Variants in HDAC6 observed in about 807,000 individuals in gnomAD.
HDAC6 encodes protein deacetylase HDAC6.
In HDAC6, 5 loss-of-function variants were observed where a neutral mutation model predicts 88.9. The observed-to-expected ratio is 0.06, with a 90% CI of 0.03 to 0.12. HDAC6 has a LOEUF of 0.12. Among genes scored for constraint, HDAC6 ranks in the 10% least tolerant of loss-of-function variants. The pLI is 1.00. For missense variants in HDAC6, 706 were observed against 1,014.4 expected, an observed-to-expected ratio of 0.70 and a Z score of 4.13; for synonymous variants, 378 against 398.0, an observed-to-expected ratio of 0.95 and a Z score of 0.60.
chrX:48,814,052 A>G (rs1462293274), intron 10 of HDAC6: 1 of 165,002 alleles, frequency 6.1e-6, no homozygotes, highest in Non-Finnish European at 1.1e-5. Flanking sequence ...CATGATCTAG[A>G]GTACCCCACA....
At chrX:48,806,836 A>C in intron 8 of HDAC6, 130 bp downstream of exon 8, 1 of 441,480 alleles carries the variant, frequency 2.3e-6, no homozygotes, top group Non-Finnish European at 3.7e-6. Flanking sequence ...TATAATTAAA[A>C]ATCTGTCTCC....
At chrX:48,824,442 C>T in intron 28 of HDAC6, 102 bp from the exon 29 acceptor site, 1 of 1,072,251 alleles carries the variant, frequency 9.3e-7, no homozygotes, top group Non-Finnish European at 1.3e-6. Flanking sequence ...TGGGATAGTC[C>T]AGAAGACAGA....
At chrX:48,809,973 T>G (rs1557025446) in intron 10 of HDAC6, among the ~76,000 whole-genome samples, 2 of 111,349 alleles carry the variant, frequency 1.8e-5, no homozygotes, top group East Asian at 5.6e-4. Flanking sequence ...TAGACATTGC[T>G]TTATTATTTT....
Position 48,822,992 on chromosome X carries a change from G to A in HDAC6, c.2593G>A (p.Glu865Lys). 4 of 1,211,171 alleles carry A rather than the reference G, an allele frequency of 3.3e-6. No homozygotes were observed. The highest frequency in any genetic ancestry group is 4.5e-6 in the Non-Finnish European group (4 of 895,147). Residue 865 changes from glutamate to lysine, a missense_variant, in exon 25 of 29, where the codon GAG becomes AAG. Transcript: ENST00000334136. ...CCAACCAGCCAAACCTAGGTTAGCT[G>A]AGCGGATGACCACACGAGAAAAGAA... The part of the protein sequence containing the change: ...APQPAKPRLA[E>K]RMTTREKKVL...
At chrX:48,822,842 T>C (rs1557030462) in intron 24 of HDAC6, 48 bp downstream of exon 24, 3 of 1,162,679 alleles carry the variant, frequency 2.6e-6, no homozygotes, top group Admixed American at 4.9e-5. Context: ...AGGAGGGGGC[T>C]GAGGGGCAGA....
intron 10 of HDAC6, among the ~76,000 whole-genome samples, chrX:48,812,762 C>G (rs1557026156): frequency 5.4e-5 from 6 of 112,139 alleles, no homozygotes; most frequent in Non-Finnish European, 7.5e-5. Context: ...GGTGGTTGAA[C>G]TTATTTTGAA....
chrX:48,802,577 G>A, intron 1 of HDAC6, 86 bp from the exon 2 acceptor site: 1 of 1,150,103 alleles, frequency 8.7e-7, no homozygotes, highest in Non-Finnish European at 1.2e-6. Flanking sequence ...TAATAGAGGG[G>A]GCGGAGCCTG....
intron 5 of HDAC6, 51 bp downstream of exon 5, chrX:48,805,573 C>T (rs1557023960): frequency 8.5e-7 from 1 of 1,180,099 alleles, no homozygotes. Context: ...GCTGACCTGA[C>T]CTGGGTGCAG....
chrX:48,821,872 C>T (rs1457699537), intron 23 of HDAC6, among the ~76,000 whole-genome samples: 1 of 111,731 alleles, frequency 9.0e-6, no homozygotes, highest in Non-Finnish European at 1.9e-5. Flanking sequence ...AATTGGCTTG[C>T]AAAAAGTCGC....
Position 48,824,227 on chromosome X carries a change from C to A in HDAC6, c.3512C>A (p.Pro1171Gln). The A allele has an allele frequency of 8.3e-7, 1 of 1,210,920 alleles. No homozygotes were observed. The highest frequency in any genetic ancestry group is 2.3e-4 in the Middle Eastern group (1 of 4,350). ...CAACACCATGGAAATTCTGGACACCCGCTGGTCCTCAGCTACATCGACCTG... is the reference window on the plus strand; with the variant it reads ...CAACACCATGGAAATTCTGGACACCAGCTGGTCCTCAGCTACATCGACCTG... ...MLQHHGNSGH[P>Q]LVLSYIDLSA... The change falls in exon 28 of 29, where the codon CCG (proline) becomes CAG (glutamine). Residue 1171 changes from proline (P) to glutamine (Q), a missense_variant. Physicochemically the swap from Pro to Gln is moderately conservative, Grantham distance 76. Transcript: ENST00000334136.
At chrX:48,805,725 A>G in intron 6 of HDAC6, 54 bp downstream of exon 6, 1 of 1,029,757 alleles carries the variant, frequency 9.7e-7, no homozygotes, top group Non-Finnish European at 1.3e-6. Context: ...TGGACAAACC[A>G]GGGCAAGCTA....
chrX:48,814,751 T>C lies in HDAC6; in HGVS notation c.999+11T>C. 2 of 1,210,560 alleles carry C rather than the reference T, an allele frequency of 1.7e-6. No homozygotes were observed. The highest frequency in any genetic ancestry group is 1.8e-5 in the South Asian group (1 of 56,916). ...CCAGTCGCCCTCGAGGTCCTGGGGA[T>C]CTGGGGTGTGTTGGGAGGAGGAGTG... On this transcript the variant is annotated intron_variant, in intron 12 of 28. Transcript: ENST00000334136.
chrX:48,802,963 A>G lies in HDAC6; in HGVS notation c.186A>G (p.Ala62=), dbSNP rs782190620. The change falls in exon 3 of 29, where the codon GCA becomes GCG. Residue 62 remains alanine, a synonymous_variant. Coordinates refer to ENST00000334136, the MANE Select transcript of HDAC6 (RefSeq NM_006044.4). ...KKGKMKKLGQ[A]MEEDLIVGLQ... The stretch of plus-strand genomic sequence containing the variant: ...GCAAAATGAAGAAGCTCGGCCAAGC[A>G]ATGGAAGAAGACCTAATCGTGGGAC... The G allele has an allele frequency of 5.0e-6, 6 of 1,211,121 alleles. No homozygotes were observed. Among genetic ancestry groups the G allele is most frequent in the Non-Finnish European group, 5.6e-6 (5 of 895,005 alleles).
intron 21 of HDAC6, 50 bp downstream of exon 21, chrX:48,818,159 A>C (rs1557028318): frequency 8.6e-7 from 1 of 1,168,524 alleles, no homozygotes. Context: ...GCGGGTGAGC[A>C]CCTCAGGGGT....
chrX:48,817,550 C>A, intron 20 of HDAC6, 91 bp downstream of exon 20: 1 of 898,872 alleles, frequency 1.1e-6, no homozygotes. Flanking sequence ...CCCCATGGTC[C>A]AGCTCCCAGG....
intron 6 of HDAC6, 62 bp from the exon 7 acceptor site, chrX:48,806,306 G>A (rs2062816045): frequency 5.5e-6 from 4 of 721,138 alleles, no homozygotes; most frequent in African/African-American, 2.1e-5. Context: ...GGGGGTTGGT[G>A]TATGGACAGC....
At chrX:48,819,812 T>C in intron 22 of HDAC6, 1 of 391,935 alleles carries the variant, frequency 2.6e-6, no homozygotes, top group Non-Finnish European at 4.6e-6. Flanking sequence ...AGTGCTGGGA[T>C]TACAGGCCTG....
At chrX:48,824,471 G>A (rs1319367447) in intron 28 of HDAC6, 73 bp from the exon 29 acceptor site, 5 of 1,076,059 alleles carry the variant, frequency 4.6e-6, no homozygotes, top group Admixed American at 4.6e-5. Flanking sequence ...GGGCTGGAGT[G>A]GGGGCAGCCC....
At chrX:48,804,826 G>C (rs1557023645) in intron 4 of HDAC6, among the ~76,000 whole-genome samples, 1 of 109,361 alleles carries the variant, frequency 9.1e-6, no homozygotes, top group African/African-American at 3.4e-5. Flanking sequence ...TAAATAGGCT[G>C]GTCAGGGAAG....
Sources: gnomAD v4.1 joint callset for allele counts (sites outside exome capture counted in the v4.1 genomes callset) on GRCh38, gnomAD v4.1.1 for gene constraint, MANE v1.5 for transcripts, NCBI Gene and HGNC (gene_info 2026-07-23, HGNC 2026-07-21) for gene names.